Variants in TSEN2 observed in about 807,000 individuals in gnomAD.
TSEN2 encodes tRNA-splicing endonuclease subunit Sen2.
TSEN2 carries 54 observed loss-of-function variants against 59.2 expected under a neutral mutation model. That is an observed-to-expected ratio of 0.91 (90% CI 0.73 to 1.14). TSEN2 has a LOEUF of 1.14. Among genes scored for constraint, TSEN2 ranks in the 50% most tolerant of loss-of-function variants. The pLI is 0.00. For missense variants in TSEN2, 636 were observed against 576.2 expected (o/e 1.10, Z -1.06); for synonymous variants, 195 against 198.2 (o/e 0.98, Z 0.14).
chr3:12,529,050 C>A, intron 9 of TSEN2, 126 bp downstream of exon 9: 1 of 926,054 alleles, frequency 1.1e-6, no homozygotes, highest in Non-Finnish European at 1.8e-6. Flanking sequence ...CGAATAGATG[C>A]TATATGTTCA....
At chr3:12,536,605 A>G (rs116002), downstream of TSEN2, among the ~76,000 whole-genome samples, 93,577 of 152,050 alleles carry the variant, frequency 0.62, 31,697 homozygotes, top group African/African-American at 0.9. Context: ...GTCTCAGTTC[A>G]TAATTCTACA....
At chr3:12,523,516 CTCTT>C (rs1286746431) in intron 8 of TSEN2, among the ~76,000 whole-genome samples, 2 of 85,866 alleles carry the variant, frequency 2.3e-5, no homozygotes, top group Non-Finnish European at 5.4e-5. Context: ...CCTCATCTTC[CTCTT>C]TGATTCTTTT....
intron 6 of TSEN2, 42 bp downstream of exon 6, chr3:12,505,273 G>A (rs369845599): frequency 1.6e-5 from 19 of 1,220,972 alleles, no homozygotes; most frequent in Non-Finnish European, 2.1e-5. Flanking sequence ...TCGGTCTCTG[G>A]GCCTGAACTA....
chr3:12,526,775 TC>T (rs1162336796), intron 8 of TSEN2, among the ~76,000 whole-genome samples: 4 of 152,238 alleles, frequency 2.6e-5, no homozygotes, highest in Non-Finnish European at 5.9e-5. Flanking sequence ...CTTGGGTCCA[TC>T]TGCTGCCAGT....
chr3:12,503,187 T>G, intron 4 of TSEN2, 75 bp from the exon 5 acceptor site: 1 of 1,560,092 alleles, frequency 6.4e-7, no homozygotes, highest in South Asian at 1.1e-5. Context: ...CACCTTCCAG[T>G]CTGTTTTATG....
intron 8 of TSEN2, among the ~76,000 whole-genome samples, chr3:12,521,669 C>G (rs2056645284): frequency 6.6e-6 from 1 of 151,904 alleles, no homozygotes; most frequent in Non-Finnish European, 1.5e-5. Flanking sequence ...GAGCCAAGAT[C>G]ACACCACTGC....
chr3:12,519,615 G>A (rs555512052), intron 8 of TSEN2, among the ~76,000 whole-genome samples: 27 of 152,194 alleles, frequency 1.8e-4, no homozygotes, highest in African/African-American at 4.8e-4. Flanking sequence ...GCGTGGTAGC[G>A]GGTGTCTGTA....
upstream of TSEN2, among the ~76,000 whole-genome samples, chr3:12,481,511 T>C (rs1029541350): frequency 2.6e-5 from 4 of 152,214 alleles, no homozygotes; most frequent in Non-Finnish European, 5.9e-5. Context: ...ATTTTTGTGC[T>C]TTTTGTTGGT....
At chr3:12,496,633 C>A in intron 4 of TSEN2, 79 bp downstream of exon 4, 1 of 1,394,916 alleles carries the variant, frequency 7.2e-7, no homozygotes, top group Non-Finnish European at 1.0e-6. Flanking sequence ...TCCCATGTAG[C>A]AGTCCAGTCC....
upstream of TSEN2, chr3:12,484,324 A>G (rs1246053550): frequency 1.3e-5 from 2 of 152,434 alleles, no homozygotes; most frequent in Admixed American, 1.3e-4. Context: ...CCTCCGCCTC[A>G]TACTCCGCAG....
chr3:12,483,195 G>A (rs189750558), upstream of TSEN2, among the ~76,000 whole-genome samples: 49 of 152,278 alleles, frequency 3.2e-4, no homozygotes, highest in African/African-American at 1.1e-3. Flanking sequence ...GGCCAACGTG[G>A]TGAAACCCCG....
chr3:12,514,781 C>T (rs2055879406), intron 6 of TSEN2: 1 of 152,148 alleles, frequency 6.6e-6, no homozygotes, highest in African/African-American at 2.4e-5. Context: ...ACGGATGACA[C>T]AAGTTTGTGA....
At chr3:12,495,749 T>C (rs895717013) in intron 3 of TSEN2, among the ~76,000 whole-genome samples, 20 of 152,206 alleles carry the variant, frequency 1.3e-4, no homozygotes, top group African/African-American at 4.8e-4. Context: ...ATTTAATGCA[T>C]GCAGACGAGG....
In TSEN2 at chr3:12,529,752, T is replaced by G; in HGVS notation, c.1137-10T>G. ...GATTACTTTTAACATGCTTTTTCTG[T>G]ATTTTCCAGTTATTCTGTCATTATC... On this transcript the variant is annotated splice_polypyrimidine_tract_variant and intron_variant, in intron 9 of 11. Transcript: ENST00000284995. 1 of 1,612,808 alleles carries G rather than the reference T, an allele frequency of 6.2e-7. No homozygotes were observed.
downstream of TSEN2, among the ~76,000 whole-genome samples, chr3:12,537,187 G>T (rs968400601): frequency 6.6e-6 from 1 of 151,788 alleles, no homozygotes; most frequent in Non-Finnish European, 1.5e-5. Flanking sequence ...TAAGTGGGAG[G>T]ATCACTTGAG....
rs1559371031 is a variant in TSEN2 at position 12,532,943 on chromosome 3, C to T, written c.*222C>T. ...TATACTTGCGTTGGCCTCTAACTCT[C>T]CAATCCAGAGCCTCCTGCCTCTGGC... On this transcript the variant is annotated 3_prime_UTR_variant, in exon 12 of 12. Coordinates refer to ENST00000284995, the MANE Select transcript of TSEN2 (RefSeq NM_025265.4). 4 of 591,544 alleles carry T rather than the reference C, an allele frequency of 6.8e-6. No homozygotes were observed. Among genetic ancestry groups the T allele is most frequent in the African/African-American group, 1.9e-5 (1 of 53,586 alleles). The allele number at this position is 591,544 out of a possible 1,614,324, so 36.6% of individuals were successfully genotyped here. A position where few individuals can be genotyped will look rare whatever the true frequency, so the allele number is the denominator to read the frequency against.
chr3:12,534,570 AG>A (rs1368294340), downstream of TSEN2, among the ~76,000 whole-genome samples: 1 of 152,092 alleles, frequency 6.6e-6, no homozygotes, highest in East Asian at 1.9e-4. Context: ...TGGGAGGCCG[AG>A]GTGGGTGGAT....
chr3:12,494,754 A>G (rs1239066438), intron 3 of TSEN2, among the ~76,000 whole-genome samples: 1 of 151,602 alleles, frequency 6.6e-6, no homozygotes, highest in Non-Finnish European at 1.5e-5. Context: ...TCCAGTAGGA[A>G]GGGATGAAAC....
chr3:12,489,976 A>T lies in TSEN2; in HGVS notation c.176A>T (p.Gln59Leu), dbSNP rs1423948377. 6.2e-7 allele frequency: 1 copy of T among 1,614,168 alleles called. No individual in the cohort carries two copies. Residue 59 changes from glutamine (Q) to leucine (L), a missense_variant, in exon 2 of 12, where the codon CAG becomes CTG. Physicochemically the swap from Gln to Leu is moderately radical, Grantham distance 113 (BLOSUM62 -2). Coordinates refer to ENST00000284995, the MANE Select transcript of TSEN2 (RefSeq NM_025265.4). ...GTGAGGAATGCGGAGGACATTGAGC[A>T]GCTCTATGGGAAAGTAAGTGCAGGC... ...VIVRNAEDIEQLYGKGYFGKG... is the reference protein window; with the variant it reads ...VIVRNAEDIELLYGKGYFGKG...
Sources: allele counts gnomAD v4.1 joint callset (sites outside exome capture counted in the v4.1 genomes callset), GRCh38; gene constraint gnomAD v4.1.1; transcripts MANE v1.5; gene names NCBI Gene and HGNC (gene_info 2026-07-23, HGNC 2026-07-21).